KRAS: variants seen among roughly 807,000 people sequenced by gnomAD.
KRAS encodes KRas proto-oncogene, GTPase, also known as GTPase KRas.
KRAS carries 1 observed loss-of-function variant against 21.0 expected under a neutral mutation model. That is an observed-to-expected ratio of 0.05 (90% confidence interval 0.02 to 0.23). KRAS has a LOEUF of 0.23. KRAS is among the 10% of genes least tolerant of loss of function. KRAS has a pLI of 1.00. For synonymous variants in KRAS, 67 were observed against 72.5 expected (o/e 0.92, Z 0.39); for missense variants, 107 against 221.8 (o/e 0.48, Z 3.29).
chr12:25,222,320 C>T (rs1182264069), intron 4 of KRAS, among the ~76,000 whole-genome samples: 1 of 152,004 alleles, frequency 6.6e-6, no homozygotes, highest in Non-Finnish European at 1.5e-5. Flanking sequence ...ATAATCTCTA[C>T]AGTTACTCGG....
At chr12:25,243,573 C>T (rs1021058246) in intron 2 of KRAS, among the ~76,000 whole-genome samples, 1 of 152,156 alleles carries the variant, frequency 6.6e-6, no homozygotes, top group African/African-American at 2.4e-5. Flanking sequence ...TGACGTCATG[C>T]TGTATATACT....
intron 2 of KRAS, among the ~76,000 whole-genome samples, chr12:25,228,168 T>C (rs1215620536): frequency 6.7e-6 from 1 of 150,326 alleles, no homozygotes; most frequent in African/African-American, 2.4e-5. Flanking sequence ...TGGATTTTTT[T>C]TTCTTTCATC....
chr12:25,222,182 T>C (rs545016028), intron 4 of KRAS, among the ~76,000 whole-genome samples: 14 of 149,282 alleles, frequency 9.4e-5, no homozygotes, highest in African/African-American at 3.2e-4. Flanking sequence ...GAAAAATAAA[T>C]AAATAAATAA....
At chr12:25,244,011 T>C (rs1383580787) in intron 2 of KRAS, among the ~76,000 whole-genome samples, 1 of 152,210 alleles carries the variant, frequency 6.6e-6, no homozygotes, top group Non-Finnish European at 1.5e-5. Context: ...TCCACTTTTT[T>C]ATAGTACCAA....
intron 4 of KRAS, among the ~76,000 whole-genome samples, chr12:25,222,174 A>AAAATAAATAAAT (rs139753860): frequency 0.01 from 1,504 of 148,272 alleles, 49 homozygotes; most frequent in Admixed American, 0.061. Flanking sequence ...GAAAGAAAGA[A>AAAATAAATAAAT]AAATAAATAA....
chr12:25,238,252 A>T (rs1951567721), intron 2 of KRAS, among the ~76,000 whole-genome samples: 1 of 152,226 alleles, frequency 6.6e-6, no homozygotes, highest in African/African-American at 2.4e-5. Context: ...TTTATATGAC[A>T]AATTTTGAAA....
chr12:25,231,903 C>T (rs1318240420), intron 2 of KRAS, among the ~76,000 whole-genome samples: 1 of 151,996 alleles, frequency 6.6e-6, no homozygotes, highest in Non-Finnish European at 1.5e-5. Flanking sequence ...AGAAAACAAA[C>T]GCAACAAAAA....
At chr12:25,225,096 C>G (rs1170724739) in intron 4 of KRAS, 3 of 151,756 alleles carry the variant, frequency 2.0e-5, no homozygotes, top group African/African-American at 4.8e-5. Flanking sequence ...AAATGAGTAA[C>G]AGAATTTCTG....
chr12:25,219,526 T>C (rs143927410), intron 4 of KRAS, among the ~76,000 whole-genome samples: 111 of 152,338 alleles, frequency 7.3e-4, no homozygotes, highest in Non-Finnish European at 1.5e-3. Flanking sequence ...TTGTTCCTGT[T>C]AAATCTGCAA....
chr12:25,247,980 G>A (rs1341763059), intron 1 of KRAS, among the ~76,000 whole-genome samples: 5 of 151,612 alleles, frequency 3.3e-5, no homozygotes, highest in East Asian at 1.9e-4. Context: ...TTTCCAATAC[G>A]GTAAATATTA....
intron 1 of KRAS, among the ~76,000 whole-genome samples, chr12:25,246,579 A>C (rs141036207): frequency 2.0e-5 from 3 of 151,720 alleles, no homozygotes; most frequent in Non-Finnish European, 2.9e-5. Flanking sequence ...ACAAACAAAA[A>C]GATTAGAGAT....
At chr12:25,242,354 T>C (rs1245232460) in intron 2 of KRAS, among the ~76,000 whole-genome samples, 1 of 152,032 alleles carries the variant, frequency 6.6e-6, no homozygotes, top group African/African-American at 2.4e-5. Flanking sequence ...TACATTTTTT[T>C]AAAACGAGAC....
At chr12:25,211,347 G>C (rs1951198656) in intron 4 of KRAS, 9 of 152,210 alleles carry the variant, frequency 5.9e-5, no homozygotes, top group Admixed American at 5.9e-4. Context: ...GGCCAAGACG[G>C]GTGGATCACT....
intron 2 of KRAS, among the ~76,000 whole-genome samples, chr12:25,242,343 C>CT (rs1169182189): frequency 6.6e-6 from 1 of 151,932 alleles, no homozygotes; most frequent in Non-Finnish European, 1.5e-5. Context: ...CTGTAACTAC[C>CT]TACATTTTTT....
chr12:25,229,171 C>G (rs1229852932), intron 2 of KRAS, among the ~76,000 whole-genome samples: 2 of 152,084 alleles, frequency 1.3e-5, no homozygotes, highest in Non-Finnish European at 2.9e-5. Context: ...GTCAACAATG[C>G]AAGTGTACAT....
rs1400827701 is a variant in KRAS, at chr12:25,234,255, T to C, written c.112-6843A>G. 2.3e-5 allele frequency: 4 copies of C among 175,906 alleles called. No homozygotes were observed. The East Asian group carries it at 3.9e-4, about 17-fold the overall frequency. 10.9% of individuals were successfully genotyped at this position (175,906 alleles called of 1,614,324 possible). On this transcript the variant is annotated intron_variant, in intron 2 of 4. Coordinates refer to ENST00000311936, the MANE Select transcript of KRAS (RefSeq NM_004985.5). ...ACACACAGAGATTTTAACACATTTATGGGAGGGAAGAAAATAAGACTAGGG... is the reference window on the plus strand; with the variant it reads ...ACACACAGAGATTTTAACACATTTACGGGAGGGAAGAAAATAAGACTAGGG...
At chr12:25,215,116 GCT>G in intron 4 of KRAS, 1 of 143,698 alleles carries the variant, frequency 7.0e-6, no homozygotes, top group Non-Finnish European at 9.7e-6. Context: ...AAAAAAAAAA[GCT>G]GCTGATTATC....
At position 25,205,302 on chromosome 12, in the gene KRAS, A is replaced by G. The variant is rs1299133558; in HGVS notation, c.*4493T>C. 1.9e-5 allele frequency: 4 copies of G among 214,120 alleles called. No individual in the cohort carries two copies. The highest frequency in any genetic ancestry group is 2.8e-5 in the Non-Finnish European group (3 of 105,920). 13.3% of individuals were successfully genotyped at this position (214,120 alleles called of 1,614,324 possible). On this transcript the variant is annotated 3_prime_UTR_variant, in exon 5 of 5. Transcript: ENST00000311936. Reference sequence around the variant, plus strand: ...AATTAGGAGTAGTACAGTTCATGACAAAAATATTACAAATTTTAGATCACT... The same window carrying G: ...AATTAGGAGTAGTACAGTTCATGACGAAAATATTACAAATTTTAGATCACT...
intron 4 of KRAS, among the ~76,000 whole-genome samples, chr12:25,212,914 T>A (rs1461589690): frequency 6.6e-6 from 1 of 152,056 alleles, no homozygotes; most frequent in Non-Finnish European, 1.5e-5. Flanking sequence ...TTACTTTTTT[T>A]AAGAGATGGA....
Sources: gnomAD v4.1 joint callset for allele counts (sites outside exome capture counted in the v4.1 genomes callset) on GRCh38, gnomAD v4.1.1 for gene constraint, MANE v1.5 for transcripts, NCBI Gene and HGNC (gene_info 2026-07-23, HGNC 2026-07-21) for gene names.